NCKIPSD: variants seen among roughly 807,000 people sequenced by gnomAD.
NCKIPSD encodes NCK-interacting protein with SH3 domain.
Under a neutral mutation model 73.4 loss-of-function variants are expected in NCKIPSD, and 48 were observed. The ratio of observed to expected loss-of-function variants is 0.65; its 90% CI spans 0.52 to 0.83. The LOEUF (loss-of-function observed/expected upper bound fraction) is 0.83, where lower values mean the gene tolerates loss of function less well. Ranked by LOEUF, NCKIPSD falls within the 40% of genes least tolerant of loss-of-function variation. The pLI is 0.00. For synonymous variants in NCKIPSD, 422 were observed against 403.6 expected (o/e 1.05, Z -0.54); for missense variants, 884 against 970.2 (o/e 0.91, Z 1.18).
Position 48,679,442 on chromosome 3 carries a change from C to A in NCKIPSD, c.1505G>T (p.Cys502Phe). Reference sequence around the variant, plus strand: ...CATGGCCAGGATGAGGGCAGAGTAACAGAGTTTCTGGTGGTCTGGGGGGGA... The same window carrying A: ...CATGGCCAGGATGAGGGCAGAGTAAAAGAGTTTCTGGTGGTCTGGGGGGGA... ...QTDTQDHQKL[C>F]YSALILAMVF... Residue 502 changes from cysteine to phenylalanine, a missense_variant, in exon 9 of 13, where the codon TGT (cysteine) becomes TTT (phenylalanine). By Grantham distance (205) the Cys-to-Phe change is radical. Transcript: ENST00000294129. The A allele has an allele frequency of 6.2e-7, 1 of 1,613,294 alleles. No individual in the cohort carries two copies.
intron 6 of NCKIPSD, 57 bp downstream of exon 6, chr3:48,680,002 A>G: frequency 6.2e-7 from 1 of 1,603,680 alleles, no homozygotes; most frequent in Non-Finnish European, 8.5e-7. Context: ...GAGGGATGCT[A>G]CAGGGTGGGG....
intron 1 of NCKIPSD, 155 bp from the exon 2 acceptor site, chr3:48,683,167 G>T: frequency 7.3e-7 from 1 of 1,372,858 alleles, no homozygotes; most frequent in Non-Finnish European, 9.9e-7. Context: ...ATATGGAATG[G>T]GGTTCTCAAA....
At position 48,681,540 on chromosome 3, in the gene NCKIPSD, G is replaced by A. The variant is rs1390689461; in HGVS notation, c.839C>T (p.Thr280Ile). The A allele has an allele frequency of 2.5e-6, 4 of 1,614,156 alleles. No individual in the cohort carries two copies. The highest frequency in any genetic ancestry group is 3.4e-6 in the Non-Finnish European group (4 of 1,180,038). The change falls in exon 5 of 13, where the codon ACA becomes ATA. Residue 280 changes from threonine (T) to isoleucine (I), a missense_variant. Thr to Ile is a moderately conservative substitution (Grantham distance 89). Coordinates refer to ENST00000294129, the MANE Select transcript of NCKIPSD (RefSeq NM_016453.4). Reference sequence around the variant, plus strand: ...TTCCAGGTCATCAGAGGCTGAGGTTGTACCAGTTGCCACTTCTTCTTCTGC... The same window carrying A: ...TTCCAGGTCATCAGAGGCTGAGGTTATACCAGTTGCCACTTCTTCTTCTGC... The part of the protein sequence containing the change: ...PPAEEEVATG[T>I]TSASDDLEAL...
chr3:48,685,673 C>A lies in NCKIPSD; in HGVS notation c.135G>T (p.Thr45=). 3 of 1,525,640 alleles carry A rather than the reference C, an allele frequency of 2.0e-6. No individual in the cohort carries two copies. Among genetic ancestry groups the A allele is most frequent in the African/African-American group, 1.4e-5 (1 of 70,956 alleles). The allele number at this position is 1,525,640 out of a possible 1,614,324, so 94.5% of individuals were successfully genotyped here. The change falls in exon 1 of 13, where the codon ACG becomes ACT. Residue 45 remains threonine (T), a synonymous_variant. Transcript: ENST00000294129. ...WLAARARSGE[T]GYVPPAYLRR... ...GCAGGTAGGCTGGCGGCACGTAGCC[C>A]GTCTCACCACTGCGCGCCCGCGCGG...
At chr3:48,678,997 G>C in intron 10 of NCKIPSD, 28 bp from the exon 11 acceptor site, 7 of 1,614,142 alleles carry the variant, frequency 4.3e-6, no homozygotes, top group South Asian at 1.1e-5. Context: ...TATAGACAGG[G>C]TGCTGAGCCT....
chr3:48,678,166 A>C (rs1029775653), intron 12 of NCKIPSD, among the ~76,000 whole-genome samples: 2 of 151,132 alleles, frequency 1.3e-5, no homozygotes, highest in African/African-American at 4.9e-5. Flanking sequence ...TCCCATCCCC[A>C]CCCCATCCAT....
At position 48,681,709 on chromosome 3, in the gene NCKIPSD, C is replaced by T. The variant is rs780510442; in HGVS notation, c.670G>A (p.Asp224Asn). The change falls in exon 5 of 13, where the codon GAC (aspartate) becomes AAC (asparagine). Residue 224 changes from aspartate to asparagine, a missense_variant. Coordinates refer to ENST00000294129, the MANE Select transcript of NCKIPSD (RefSeq NM_016453.4). ...GGGCTGGAGCTGGTATAGAGCGTGT[C>T]CAGGGAGGTGCTGCTGACTGAGGAG... ...SGSSVSSTSL[D>N]TLYTSSSPSE... is the part of the protein sequence containing the mutation. 3.3e-5 allele frequency: 51 copies of T among 1,561,168 alleles called. No homozygotes were observed. Among genetic ancestry groups the T allele is most frequent in the Non-Finnish European group, 4.4e-5 (51 of 1,153,886 alleles).
Position 48,685,543 on chromosome 3 carries a change from C to T in NCKIPSD, c.171+94G>A, listed in dbSNP as rs1367457864. On this transcript the variant is annotated intron_variant, in intron 1 of 12. Coordinates refer to ENST00000294129, the MANE Select transcript of NCKIPSD (RefSeq NM_016453.4). ...CTGATAGAGGTCCTGGCCTCGGGTC[C>T]CGGAGAGGGTGGGGTCCCTGGGTCG... 13 of 1,400,446 alleles carry T rather than the reference C, an allele frequency of 9.3e-6. No individual in the cohort carries two copies. The Admixed American group carries it at 1.1e-4, about 12-fold the overall frequency. 86.8% of individuals were successfully genotyped at this position (1,400,446 alleles called of 1,614,324 possible).
chr3:48,684,689 G>A (rs1451265587), intron 1 of NCKIPSD, among the ~76,000 whole-genome samples: 1 of 152,216 alleles, frequency 6.6e-6, no homozygotes, highest in African/African-American at 2.4e-5. Flanking sequence ...GAATAGACCA[G>A]CTGGAGATAC....
intron 3 of NCKIPSD, 68 bp downstream of exon 3, chr3:48,682,280 C>T (rs1314952909): frequency 2.5e-6 from 4 of 1,595,954 alleles, no homozygotes; most frequent in South Asian, 1.1e-5. Flanking sequence ...TGAGTGGACC[C>T]CTTGAGCCTC....
chr3:48,674,560 C>A lies in NCKIPSD; in HGVS notation c.2153G>T (p.Gly718Val). 1.3e-6 allele frequency: 2 copies of A among 1,594,516 alleles called. No individual in the cohort carries two copies. Among genetic ancestry groups the A allele is most frequent in the East Asian group, 2.3e-5 (1 of 44,084 alleles). ...REMCKEFLVL[G>V]EAPS is the part of the protein sequence containing the mutation. The stretch of plus-strand genomic sequence containing the variant: ...AGCAAGGTGCTAGCTGGGAGCCTCC[C>A]CCAGCACCAGGAATTCCTTGCACAT... Residue 718 changes from glycine (G) to valine (V), a missense_variant, in exon 13 of 13, where the codon GGG (glycine) becomes GTG (valine). Physicochemically the swap from Gly to Val is moderately radical, Grantham distance 109. Transcript: ENST00000294129.
At chr3:48,676,096 C>A (rs190756095) in intron 12 of NCKIPSD, among the ~76,000 whole-genome samples, 7 of 152,212 alleles carry the variant, frequency 4.6e-5, no homozygotes, top group Non-Finnish European at 1.0e-4. Flanking sequence ...CATTCACCAC[C>A]GCAAACCTCA....
intron 8 of NCKIPSD, 22 bp from the exon 9 acceptor site, chr3:48,679,479 G>C (rs1357794451): frequency 6.2e-7 from 1 of 1,607,878 alleles, no homozygotes; most frequent in Non-Finnish European, 8.5e-7. Flanking sequence ...AAGGCAGGCA[G>C]TCAGAGTCCC....
Position 48,675,509 on chromosome 3 carries a change from CATATATATATATATATATGATAT to C in NCKIPSD, c.1966-785_1966-763del, listed in dbSNP as rs1194227636. 4.1e-3 allele frequency among the ~76,000 whole-genome samples: 454 copies of C among 110,430 alleles called. 4 individuals are homozygous for C. Among genetic ancestry groups the C allele is most frequent in the African/African-American group, 0.017 (435 of 26,224 alleles). The allele number at this position is 110,430 out of a possible 152,430, so 72.4% of individuals were successfully genotyped here. A position where few individuals can be genotyped will look rare whatever the true frequency, so the allele number is the denominator to read the frequency against. ...GCCCTTATGATCTATATATATATAT[CATATATATATATATATATGATAT>C]ATATATATATATATCATTTTTTTTT... On this transcript the variant is annotated intron_variant, in intron 12 of 12. Coordinates refer to ENST00000294129, the MANE Select transcript of NCKIPSD (RefSeq NM_016453.4).
intron 1 of NCKIPSD, among the ~76,000 whole-genome samples, chr3:48,684,963 T>C (rs932701646): frequency 2.6e-5 from 4 of 151,616 alleles, no homozygotes; most frequent in African/African-American, 9.7e-5. Context: ...ATAAGGTTGG[T>C]AGAGACTTAA....
At chr3:48,685,185 AGAAG>A (rs1376064200) in intron 1 of NCKIPSD, among the ~76,000 whole-genome samples, 4 of 29,428 alleles carry the variant, frequency 1.4e-4, no homozygotes, top group Admixed American at 4.9e-4. Context: ...GGTTGGGGGA[AGAAG>A]GAAGGGAGGG....
chr3:48,679,233 C>T lies in NCKIPSD; in HGVS notation c.1571-50G>A, dbSNP rs747099871. 1.6e-5 allele frequency: 25 copies of T among 1,610,294 alleles called. No homozygotes were observed. The East Asian group carries it at 4.7e-4, about 30-fold the overall frequency. ...TGCAGCCCCATTCCCCTCCGACCCCCGCACCACCCACCCTTCCTGGCTTTC... is the reference window on the plus strand; with the variant it reads ...TGCAGCCCCATTCCCCTCCGACCCCTGCACCACCCACCCTTCCTGGCTTTC... On this transcript the variant is annotated intron_variant, in intron 9 of 12. Coordinates refer to ENST00000294129, the MANE Select transcript of NCKIPSD (RefSeq NM_016453.4).
In NCKIPSD at chr3:48,681,313, C is replaced by T; in HGVS notation, c.1066G>A (p.Val356Ile). 6.2e-7 allele frequency: 1 copy of T among 1,608,364 alleles called. No individual in the cohort carries two copies. The highest frequency in any genetic ancestry group is 8.5e-7 in the Non-Finnish European group (1 of 1,178,742). The change falls in exon 5 of 13, where the codon GTC becomes ATC. Residue 356 changes from valine to isoleucine, a missense_variant. Coordinates refer to ENST00000294129, the MANE Select transcript of NCKIPSD (RefSeq NM_016453.4). ...VPASSPVMEQVLLSLVEGKDL... is the reference protein window; with the variant it reads ...VPASSPVMEQILLSLVEGKDL... ...TTGCCCTCTACGAGTGAGAGGAGGA[C>T]CTGCTCCATGACTGGTGAGCTGGCC...
rs1213373005 is a variant in NCKIPSD at position 48,678,922 on chromosome 3, C to T, written c.1747G>A (p.Val583Ile). ...IMAALSKHAN[V>I]KIFSEKLLLL... ...AACAGCTTCTCGGAGAAGATCTTGA[C>T]ATTGGCGTGTTTGCTCAGGGCAGCC... Residue 583 changes from valine to isoleucine, a missense_variant, in exon 11 of 13, where the codon GTC becomes ATC. Transcript: ENST00000294129. The T allele has an allele frequency of 6.2e-7, 1 of 1,614,038 alleles. No individual in the cohort carries two copies. Among genetic ancestry groups the T allele is most frequent in the Non-Finnish European group, 8.5e-7 (1 of 1,180,006 alleles).
Sources: gnomAD v4.1 joint callset for allele counts (sites outside exome capture counted in the v4.1 genomes callset) on GRCh38, gnomAD v4.1.1 for gene constraint, MANE v1.5 for transcripts, NCBI Gene and HGNC (gene_info 2026-07-23, HGNC 2026-07-21) for gene names.